ZBTB25: variants seen among roughly 807,000 people sequenced by gnomAD.
The protein encoded by ZBTB25 is zinc finger and BTB domain containing 25.
A neutral mutation model predicts 34.2 loss-of-function variants in ZBTB25; 20 were observed. That is an observed-to-expected ratio of 0.58 (90% CI 0.41 to 0.85). ZBTB25 has a LOEUF of 0.85. ZBTB25 is among the 40% of genes least tolerant of loss of function. The pLI is 0.00. For missense variants in ZBTB25, 437 were observed against 521.8 expected (o/e 0.84, Z 1.58); for synonymous variants, 175 against 186.4 (o/e 0.94, Z 0.50).
intron 1 of ZBTB25, among the ~76,000 whole-genome samples, chr14:64,497,649 A>T (rs776774564): frequency 1.8e-4 from 27 of 152,178 alleles, no homozygotes; most frequent in Non-Finnish European, 3.8e-4. Context: ...GATTGTAGTA[A>T]CTCTGGATTA....
intron 2 of ZBTB25, chr14:64,462,154 G>C (rs2078562742): frequency 6.6e-6 from 1 of 152,390 alleles, no homozygotes; most frequent in Non-Finnish European, 1.5e-5. Context: ...GTTTTTTGTA[G>C]AGATGGGGTC....
intron 2 of ZBTB25, chr14:64,467,406 A>G (rs1224951934): frequency 1.3e-5 from 2 of 152,350 alleles, no homozygotes; most frequent in African/African-American, 4.8e-5. Flanking sequence ...ACTTCCAACT[A>G]TGTGCAGATT....
intron 1 of ZBTB25, among the ~76,000 whole-genome samples, chr14:64,491,831 C>A (rs888905261): frequency 6.6e-6 from 1 of 152,112 alleles, no homozygotes; most frequent in African/African-American, 2.4e-5. Flanking sequence ...GCCAGCCAGA[C>A]CAAGGTCTAA....
Position 64,487,110 on chromosome 14 carries a change from T to C in ZBTB25, c.1121A>G (p.Lys374Arg). The C allele has an allele frequency of 6.2e-7, 1 of 1,614,260 alleles. No homozygotes were observed. Among genetic ancestry groups the C allele is most frequent in the Non-Finnish European group, 8.5e-7 (1 of 1,180,040 alleles). ...LLEHMYTHKG[K>R]SYRYNRCQRF... is the part of the protein sequence containing the mutation. ...TTGGCATCGGTTATATCTGTAAGATTTACCTTTGTGTGTATACATGTGTTC... is the reference window on the plus strand; with the variant it reads ...TTGGCATCGGTTATATCTGTAAGATCTACCTTTGTGTGTATACATGTGTTC... The change falls in exon 3 of 3, where the codon AAA (lysine) becomes AGA (arginine). Residue 374 changes from lysine (K) to arginine (R), a missense_variant. Coordinates refer to ENST00000608382, the MANE Select transcript of ZBTB25 (RefSeq NM_006977.5).
intron 1 of ZBTB25, among the ~76,000 whole-genome samples, chr14:64,493,944 CG>C (rs990495824): frequency 6.6e-6 from 1 of 151,748 alleles, no homozygotes; most frequent in Non-Finnish European, 1.5e-5. Flanking sequence ...TAGTGATCAG[CG>C]GGGACAAGAA....
chr14:64,488,110 T>C, intron 2 of ZBTB25, 53 bp from the exon 3 acceptor site: 1 of 1,574,698 alleles, frequency 6.4e-7, no homozygotes, highest in Non-Finnish European at 8.6e-7. Flanking sequence ...CTAGCTGGCC[T>C]TTCAGTTAAC....
In ZBTB25 at chr14:64,458,582, G is replaced by A. The variant is rs1301445681; in HGVS notation, c.174-8944C>T. On this transcript the variant is annotated intron_variant, in intron 2 of 2. Coordinates refer to the ZBTB25 transcript ENST00000555220. ...AAACTGCTGTCCAATAAACTACAGA[G>A]GAAACTACAGGAGAGGTTAGACTCC... 1.3e-5 allele frequency: 6 copies of A among 469,300 alleles called. No individual in the cohort carries two copies. In the East Asian group the frequency reaches 1.3e-4, roughly 10 times the overall value. The allele number at this position is 469,300 out of a possible 1,614,324, so 29.1% of individuals were successfully genotyped here. A position where few individuals can be genotyped will look rare whatever the true frequency, so the allele number is the denominator to read the frequency against.
chr14:64,492,576 C>A (rs1315864720), intron 1 of ZBTB25, among the ~76,000 whole-genome samples: 2 of 150,620 alleles, frequency 1.3e-5, no homozygotes, highest in East Asian at 3.9e-4. Flanking sequence ...ATTGAAGCAT[C>A]TTAAACTAGC....
downstream of ZBTB25, chr14:64,473,230 A>C (rs1453146357): frequency 6.0e-6 from 1 of 167,080 alleles, no homozygotes; most frequent in African/African-American, 2.4e-5. Flanking sequence ...AGCAGAAAAC[A>C]AAAGAACTTT....
chr14:64,455,147 C>T (rs1415246259), intron 2 of ZBTB25: 1 of 438,412 alleles, frequency 2.3e-6, no homozygotes, highest in Non-Finnish European at 4.2e-6. Context: ...ATGCTCTTCA[C>T]TGAATCTAGG....
In ZBTB25 at chr14:64,481,406, A is replaced by ATTATT. The variant is rs2078791608; in HGVS notation, c.*5516_*5517insAATAA. On this transcript the variant is annotated 3_prime_UTR_variant, in exon 3 of 3. Coordinates refer to ENST00000608382, the MANE Select transcript of ZBTB25 (RefSeq NM_006977.5). Reference sequence around the variant, plus strand: ...CACAGTACATTAGGTGGATGAGTTTAGCCACACAATGTATTATTGATTTTG... The same window carrying ATTATT: ...CACAGTACATTAGGTGGATGAGTTTATTATTGCCACACAATGTATTATTGATTTTG... 6.6e-6 allele frequency: 1 copy of ATTATT among 152,268 alleles called. No individual in the cohort carries two copies. The highest frequency in any genetic ancestry group is 2.4e-5 in the African/African-American group (1 of 41,476). 9.4% of individuals were successfully genotyped at this position (152,268 alleles called of 1,614,324 possible).
Position 64,487,950 on chromosome 14 carries a change from C to A in ZBTB25, c.281G>T (p.Arg94Leu), listed in dbSNP as rs760872937. ...AAGAAATCGAATCCCTTCCTCCAAA[C>A]GACTATGATCCACAATCTGTTTTGG... ...KGPKQIVDHS[R>L]LEEGIRFLHA... Residue 94 changes from arginine to leucine, a missense_variant, in exon 3 of 3, where the codon CGT (arginine) becomes CTT (leucine). Transcript: ENST00000608382. The A allele has an allele frequency of 6.2e-7, 1 of 1,614,172 alleles. No homozygotes were observed. The highest frequency in any genetic ancestry group is 8.5e-7 in the Non-Finnish European group (1 of 1,180,042).
chr14:64,450,410 C>T (rs1180443164), intron 2 of ZBTB25, among the ~76,000 whole-genome samples: 1 of 152,200 alleles, frequency 6.6e-6, no homozygotes, highest in Non-Finnish European at 1.5e-5. Flanking sequence ...TGAGGGCCCT[C>T]ACATGCAAAA....
At chr14:64,470,391 A>G (rs556109821) in intron 2 of ZBTB25, 29 of 163,096 alleles carry the variant, frequency 1.8e-4, no homozygotes, top group African/African-American at 7.0e-4. Flanking sequence ...GGAGTTCGAG[A>G]CCAGCCTGGC....
intron 1 of ZBTB25, chr14:64,502,899 A>G: frequency 1.0e-6 from 1 of 985,438 alleles, no homozygotes; most frequent in African/African-American, 1.7e-5. Flanking sequence ...TACTTTACAT[A>G]CATGACAGAA....
chr14:64,494,234 C>T (rs776706871), intron 1 of ZBTB25, among the ~76,000 whole-genome samples: 1 of 152,134 alleles, frequency 6.6e-6, no homozygotes, highest in Non-Finnish European at 1.5e-5. Flanking sequence ...GGGTGAGGCC[C>T]ATTACAAACA....
intron 2 of ZBTB25, chr14:64,455,045 A>G (rs2078447049): frequency 1.4e-6 from 1 of 698,050 alleles, no homozygotes. Flanking sequence ...CAGGAGCTAT[A>G]TAGCTCTTGC....
At chr14:64,495,346 C>T (rs941205844) in intron 1 of ZBTB25, among the ~76,000 whole-genome samples, 6 of 152,302 alleles carry the variant, frequency 3.9e-5, no homozygotes, top group South Asian at 2.1e-4. Flanking sequence ...CTGCTCCACA[C>T]ATGTACAGTT....
intron 2 of ZBTB25, chr14:64,458,160 C>A: frequency 7.3e-7 from 1 of 1,364,266 alleles, no homozygotes; most frequent in Non-Finnish European, 1.1e-6. Flanking sequence ...GGATTATAGG[C>A]GTGAGCCACT....
Sources: allele counts gnomAD v4.1 joint callset (sites outside exome capture counted in the v4.1 genomes callset), GRCh38; gene constraint gnomAD v4.1.1; transcripts MANE v1.5; gene names NCBI Gene and HGNC (gene_info 2026-07-23, HGNC 2026-07-21).